FIS1: variants seen among roughly 807,000 people sequenced by gnomAD.
The protein encoded by FIS1 is mitochondrial fission 1 protein.
A neutral mutation model predicts 21.6 loss-of-function variants in FIS1; 16 were observed. The observed-to-expected ratio is 0.74, with a 90% CI of 0.50 to 1.12. The LOEUF is 1.12. Among genes scored for constraint, FIS1 ranks in the 50% most tolerant of loss-of-function variants. FIS1 has a pLI of 0.00. For missense variants in FIS1, 198 were observed against 190.9 expected (o/e 1.04, Z -0.22); for synonymous variants, 92 against 82.2 (o/e 1.12, Z -0.65).
At chr7:101,241,651 T>TC (rs1798751862) in intron 2 of FIS1, 1 of 146,930 alleles carries the variant, frequency 6.8e-6, no homozygotes, top group Non-Finnish European at 1.5e-5. Flanking sequence ...TTTTTTTTTT[T>TC]TTTTTTTTTT....
chr7:101,244,754 G>A, intron 1 of FIS1: 1 of 601,084 alleles, frequency 1.7e-6, no homozygotes, highest in Non-Finnish European at 2.9e-6. Flanking sequence ...TGAGGTGTGG[G>A]GGGCTCAGGA....
At chr7:101,244,900 G>T (rs1020062086) in intron 1 of FIS1, 60 bp downstream of exon 1, 2 of 1,601,200 alleles carry the variant, frequency 1.2e-6, no homozygotes, top group Admixed American at 3.3e-5. Flanking sequence ...GCCCCTACCT[G>T]ACTCTCCTCA....
chr7:101,241,186 G>T, intron 2 of FIS1: 1 of 421,240 alleles, frequency 2.4e-6, no homozygotes, highest in Non-Finnish European at 4.3e-6. Context: ...CGGGGCCCTG[G>T]AGAAGCCAAA....
At chr7:101,240,471 G>A (rs1167806777) in intron 3 of FIS1, among the ~76,000 whole-genome samples, 2 of 152,224 alleles carry the variant, frequency 1.3e-5, no homozygotes, top group Non-Finnish European at 2.9e-5. Flanking sequence ...CTACACCTCA[G>A]TATCCACCAC....
Position 101,239,780 on chromosome 7 carries a change from G to A in FIS1, c.*26C>T, listed in dbSNP as rs533105651. On this transcript the variant is annotated 3_prime_UTR_variant, in exon 5 of 5. Coordinates refer to ENST00000223136, the MANE Select transcript of FIS1 (RefSeq NM_016068.3). ...GAGGATGGACAGGCCCTCCTGGAGC[G>A]TTCTCCGTGGGCTCCCGCGTCTCCT... The A allele has an allele frequency of 6.4e-6, 10 of 1,563,062 alleles. No homozygotes were observed. Among genetic ancestry groups the A allele is most frequent in the African/African-American group, 1.4e-5 (1 of 73,946 alleles).
chr7:101,239,557 G>GC lies in FIS1; in HGVS notation c.*248dup. On this transcript the variant is annotated 3_prime_UTR_variant, in exon 5 of 5. Coordinates refer to ENST00000223136, the MANE Select transcript of FIS1 (RefSeq NM_016068.3). Reference sequence around the variant, plus strand: ...GGAGAGGACCAGGAGTGACGTCTCCGCCCCCTGTGCCCAGCGTTCAGAACC... The same window carrying GC: ...GGAGAGGACCAGGAGTGACGTCTCCGCCCCCCTGTGCCCAGCGTTCAGAACC... 1 of 568,798 alleles carries GC rather than the reference G, an allele frequency of 1.8e-6. No homozygotes were observed. Among genetic ancestry groups the GC allele is most frequent in the Admixed American group, 2.6e-5 (1 of 38,904 alleles). 35.2% of individuals were successfully genotyped at this position (568,798 alleles called of 1,614,324 possible).
intron 2 of FIS1, among the ~76,000 whole-genome samples, chr7:101,242,877 GAAAA>G (rs909187186): frequency 1.4e-5 from 2 of 139,092 alleles, no homozygotes; most frequent in Non-Finnish European, 3.1e-5. Flanking sequence ...AAAATACTCA[GAAAA>G]AAAAAAAAGA....
chr7:101,244,490 G>GGCCCCATCCT, intron 1 of FIS1: 1 of 342,906 alleles, frequency 2.9e-6, no homozygotes, highest in Non-Finnish European at 5.4e-6. Context: ...TGAGGCTGCT[G>GGCCCCATCCT]GCCCCATCCT....
intron 1 of FIS1, chr7:101,244,759 T>A: frequency 1.6e-6 from 1 of 627,332 alleles, no homozygotes; most frequent in Non-Finnish European, 2.8e-6. Context: ...TGTGGGGGGC[T>A]CAGGACACTA....
Position 101,240,200 on chromosome 7 carries a change from C to A in FIS1, c.303G>T (p.Glu101Asp). 3 of 1,614,240 alleles carry A rather than the reference C, an allele frequency of 1.9e-6. No homozygotes were observed. Among genetic ancestry groups the A allele is most frequent in the South Asian group, 1.1e-5 (1 of 91,088 alleles). Residue 101 changes from glutamate (E) to aspartate (D), a missense_variant, in exon 4 of 5, where the codon GAG (glutamate) becomes GAT (aspartate). By Grantham distance (45) the Glu-to-Asp change is conservative. Coordinates refer to ENST00000223136, the MANE Select transcript of FIS1 (RefSeq NM_016068.3). ...LKYVRGLLQT[E>D]PQNNQAKELE... is the part of the protein sequence containing the mutation. ...GTTCCTTGGCCTGGTTGTTCTGGGG[C>A]TCTGTCTGCAGCAACCCGCGGACGT...
intron 2 of FIS1, among the ~76,000 whole-genome samples, chr7:101,242,346 C>T (rs1485537447): frequency 6.6e-6 from 1 of 152,206 alleles, no homozygotes; most frequent in Non-Finnish European, 1.5e-5. Flanking sequence ...GTTTTCTCAA[C>T]TAGACTGGCA....
At chr7:101,242,324 C>CA (rs1342492154) in intron 2 of FIS1, among the ~76,000 whole-genome samples, 6 of 152,116 alleles carry the variant, frequency 3.9e-5, no homozygotes, top group African/African-American at 1.4e-4. Flanking sequence ...TATAAATCTT[C>CA]CTGTCTGTAC....
At position 101,239,883 on chromosome 7, in the gene FIS1, T is replaced by C; in HGVS notation, c.382A>G (p.Ile128Val). ...MKKDGLVGMA[I>V]VGGMALGVAG... The stretch of plus-strand genomic sequence containing the variant: ...ACACCCAGGGCCATGCCTCCCACGA[T>C]GGCCATGCCCACGAGTCCATCTGGG... Residue 128 changes from isoleucine (I) to valine (V), a missense_variant, in exon 5 of 5, where the codon ATC becomes GTC. Transcript: ENST00000223136. 2 of 1,607,870 alleles carry C rather than the reference T, an allele frequency of 1.2e-6. No individual in the cohort carries two copies. Among genetic ancestry groups the C allele is most frequent in the Non-Finnish European group, 1.7e-6 (2 of 1,177,276 alleles).
chr7:101,243,929 CAG>C, intron 2 of FIS1, 76 bp downstream of exon 2: 1 of 1,523,154 alleles, frequency 6.6e-7, no homozygotes, highest in Non-Finnish European at 8.9e-7. Context: ...GGAGACAACT[CAG>C]AGGTGCCTGG....
chr7:101,243,575 A>G (rs1204758089), intron 2 of FIS1, among the ~76,000 whole-genome samples: 1 of 152,160 alleles, frequency 6.6e-6, no homozygotes, highest in Non-Finnish European at 1.5e-5. Context: ...ACTCCGTCTC[A>G]AACAAAAACA....
At chr7:101,240,642 T>A (rs977846607) in intron 3 of FIS1, among the ~76,000 whole-genome samples, 188 bp downstream of exon 3, 4 of 152,112 alleles carry the variant, frequency 2.6e-5, no homozygotes, top group Admixed American at 2.6e-4. Context: ...CTGCACCCAG[T>A]CTCTTGACGT....
intron 3 of FIS1, among the ~76,000 whole-genome samples, chr7:101,240,540 C>G (rs1798731735): frequency 6.6e-6 from 1 of 152,226 alleles, no homozygotes; most frequent in South Asian, 2.1e-4. Flanking sequence ...CTCCCTCGAC[C>G]TCCACCCACT....
chr7:101,244,844 G>A, intron 1 of FIS1, 116 bp downstream of exon 1: 3 of 1,297,658 alleles, frequency 2.3e-6, no homozygotes, highest in Non-Finnish European at 3.3e-6. Flanking sequence ...GCCGGGAGCC[G>A]TAGTTCGGCT....
chr7:101,240,128 G>T lies in FIS1; in HGVS notation c.361+14C>A. On this transcript the variant is annotated intron_variant, in intron 4 of 4. Transcript: ENST00000223136. ...GGGAAGAGCGGGGCTGAACAAAGGG[G>T]CCGAGGCTGTCACCTTTCTTCATGG... 6.2e-7 allele frequency: 1 copy of T among 1,613,428 alleles called. No individual in the cohort carries two copies.
Sources: allele counts gnomAD v4.1 joint callset (sites outside exome capture counted in the v4.1 genomes callset), GRCh38; gene constraint gnomAD v4.1.1; transcripts MANE v1.5; gene names NCBI Gene and HGNC (gene_info 2026-07-23, HGNC 2026-07-21).